GRIN3A: variants seen among roughly 807,000 people sequenced by gnomAD.
The protein encoded by GRIN3A is glutamate ionotropic receptor NMDA type subunit 3A, also known as glutamate receptor ionotropic, NMDA 3A.
In GRIN3A, 47 loss-of-function variants were observed where a neutral mutation model predicts 92.4. That is an observed-to-expected ratio of 0.51 (90% confidence interval 0.40 to 0.65). The LOEUF is 0.65. GRIN3A is among the 30% of genes least tolerant of loss of function. The pLI, the probability that GRIN3A is intolerant of heterozygous loss-of-function variation, is 0.00. For missense variants in GRIN3A, 1,324 were observed against 1,393.1 expected, an observed-to-expected ratio of 0.95 and a Z score of 0.79; for synonymous variants, 527 against 540.6, an observed-to-expected ratio of 0.97 and a Z score of 0.35.
intron 4 of GRIN3A, 61 bp downstream of exon 4, chr9:101,628,195 G>A (rs1010330964): frequency 1.3e-6 from 2 of 1,542,146 alleles, no homozygotes; most frequent in South Asian, 1.1e-5. Context: ...TACTGCGTCA[G>A]TAGCTAAATT....
chr9:101,609,844 T>C (rs1828336157), intron 6 of GRIN3A, among the ~76,000 whole-genome samples: 1 of 152,284 alleles, frequency 6.6e-6, no homozygotes, highest in East Asian at 1.9e-4. Context: ...CTCTTAATGA[T>C]TTGCTCTCAA....
chr9:101,696,354 T>A (rs1055011990), intron 1 of GRIN3A, among the ~76,000 whole-genome samples: 1 of 152,222 alleles, frequency 6.6e-6, no homozygotes, highest in Non-Finnish European at 1.5e-5. Flanking sequence ...AATAACCCAG[T>A]CAGGGATGAA....
intron 3 of GRIN3A, among the ~76,000 whole-genome samples, chr9:101,657,105 C>T (rs1369112195): frequency 1.3e-5 from 2 of 151,936 alleles, no homozygotes; most frequent in Admixed American, 6.6e-5. Context: ...TATGTAGGGG[C>T]CTTCTGGAGA....
At chr9:101,624,017 G>A (rs967145633) in intron 4 of GRIN3A, among the ~76,000 whole-genome samples, 8 of 152,122 alleles carry the variant, frequency 5.3e-5, no homozygotes, top group African/African-American at 1.7e-4. Context: ...TACATGCAAC[G>A]ATTTCTTTGT....
At chr9:101,621,373 T>C (rs562283438) in intron 5 of GRIN3A, among the ~76,000 whole-genome samples, 51 of 152,300 alleles carry the variant, frequency 3.3e-4, no homozygotes, top group African/African-American at 1.1e-3. Flanking sequence ...CATTGTTTCG[T>C]GTAATTTATA....
chr9:101,573,384 G>A lies in GRIN3A; in HGVS notation c.3138C>T (p.Ile1046=). The change falls in exon 9 of 9, where the codon ATC becomes ATT. Residue 1046 remains isoleucine (I), a synonymous_variant. Coordinates refer to ENST00000361820, the MANE Select transcript of GRIN3A (RefSeq NM_133445.3). Reference sequence around the variant, plus strand: ...GCTCTCTTCTCCTTGGAGGGAGGGGGATGTCCTGGTGGATCCGGATGCCCA... The same window carrying A: ...GCTCTCTTCTCCTTGGAGGGAGGGGAATGTCCTGGTGGATCCGGATGCCCA... ...NQLGIRIHQD[I]PLPPRRRELP... 6.2e-7 allele frequency: 1 copy of A among 1,614,064 alleles called. No individual in the cohort carries two copies. Among genetic ancestry groups the A allele is most frequent in the Non-Finnish European group, 8.5e-7 (1 of 1,179,980 alleles).
chr9:101,708,009 A>T (rs1175204249), intron 1 of GRIN3A, among the ~76,000 whole-genome samples: 5 of 152,142 alleles, frequency 3.3e-5, no homozygotes, highest in Non-Finnish European at 1.5e-5. Flanking sequence ...AGAACTCCTC[A>T]TTGCAAAAAG....
chr9:101,646,430 A>G (rs1828939339), intron 3 of GRIN3A, among the ~76,000 whole-genome samples: 1 of 151,912 alleles, frequency 6.6e-6, no homozygotes, highest in African/African-American at 2.4e-5. Flanking sequence ...GCTTTGTAGT[A>G]TATTTTGAAA....
chr9:101,607,800 A>G (rs1274774721), intron 6 of GRIN3A, among the ~76,000 whole-genome samples: 1 of 152,222 alleles, frequency 6.6e-6, no homozygotes. Flanking sequence ...AAGCATTAAT[A>G]ATTACGCTTT....
intron 3 of GRIN3A, among the ~76,000 whole-genome samples, chr9:101,660,216 C>G (rs1365011018): frequency 1.3e-5 from 2 of 151,864 alleles, no homozygotes; most frequent in Non-Finnish European, 2.9e-5. Context: ...TCCTACATCT[C>G]TGAGACTCGG....
At chr9:101,717,584 C>T (rs113009553) in intron 1 of GRIN3A, among the ~76,000 whole-genome samples, 7 of 152,270 alleles carry the variant, frequency 4.6e-5, no homozygotes, top group African/African-American at 1.4e-4. Flanking sequence ...TCTGATTTCC[C>T]GATACTTTGT....
chr9:101,688,695 G>A (rs904657702), intron 1 of GRIN3A, among the ~76,000 whole-genome samples: 2 of 152,128 alleles, frequency 1.3e-5, no homozygotes, highest in African/African-American at 4.8e-5. Flanking sequence ...GCCGAGGCAG[G>A]ATCACTTGAG....
chr9:101,707,421 C>CATACAGCCAAA (rs1829826899), intron 1 of GRIN3A, among the ~76,000 whole-genome samples: 1 of 152,178 alleles, frequency 6.6e-6, no homozygotes, highest in Non-Finnish European at 1.5e-5. Flanking sequence ...ACTTTATTAT[C>CATACAGCCAAA]TGATGCTGTA....
At position 101,737,593 on chromosome 9, in the gene GRIN3A, T is replaced by C. The variant is rs758213622; in HGVS notation, c.387A>G (p.Leu129=). 4 of 1,613,878 alleles carry C rather than the reference T, an allele frequency of 2.5e-6. No individual in the cohort carries two copies. In the South Asian group the frequency reaches 4.4e-5, roughly 18 times the overall value. The change falls in exon 1 of 9, where the codon CTA becomes CTG. Residue 129 remains leucine (L), a synonymous_variant. Transcript: ENST00000361820. ...AEALWPRDAL[L]FAVDNLNRVE... ...CGCGGTTCAGGTTGTCCACGGCAAA[T>C]AGGAGGGCGTCCCGTGGCCACAGGG...
chr9:101,622,995 AACACACACACAC>A (rs5899450), intron 5 of GRIN3A, among the ~76,000 whole-genome samples: 1 of 147,436 alleles, frequency 6.8e-6, no homozygotes, highest in Non-Finnish European at 1.5e-5. Context: ...CCTGCCACTA[AACACACACACAC>A]ACACACACAC....
At chr9:101,685,636 G>A (rs1310443955) in intron 2 of GRIN3A, among the ~76,000 whole-genome samples, 7 of 151,464 alleles carry the variant, frequency 4.6e-5, no homozygotes, top group Non-Finnish European at 8.8e-5. Context: ...TATTTTAAAT[G>A]GACATTTTCG....
intron 1 of GRIN3A, among the ~76,000 whole-genome samples, chr9:101,736,467 A>G (rs1342568809): frequency 6.6e-6 from 1 of 152,204 alleles, no homozygotes; most frequent in Non-Finnish European, 1.5e-5. Context: ...AGCTTTTTTA[A>G]TCAATAAGAA....
At chr9:101,612,669 T>G (rs1828382180) in intron 6 of GRIN3A, among the ~76,000 whole-genome samples, 1 of 152,214 alleles carries the variant, frequency 6.6e-6, no homozygotes, top group Non-Finnish European at 1.5e-5. Context: ...TCTGAGCCTG[T>G]GACTCTGGTT....
intron 1 of GRIN3A, among the ~76,000 whole-genome samples, chr9:101,722,329 T>C (rs1412158263): frequency 6.6e-6 from 1 of 152,222 alleles, no homozygotes; most frequent in African/African-American, 2.4e-5. Flanking sequence ...AGGCAAAAGT[T>C]TGTGGCAGGG....
Sources: allele counts gnomAD v4.1 joint callset (sites outside exome capture counted in the v4.1 genomes callset), GRCh38; gene constraint gnomAD v4.1.1; transcripts MANE v1.5; gene names NCBI Gene and HGNC (gene_info 2026-07-23, HGNC 2026-07-21).